The following TOP3A variants were observed in gnomAD, a reference collection of about 807,000 sequenced individuals.
TOP3A encodes the protein DNA topoisomerase 3-alpha.
Under a neutral mutation model 111.3 loss-of-function variants are expected in TOP3A, and 64 were observed. The observed-to-expected ratio is 0.57, with a 90% CI of 0.47 to 0.71. The LOEUF is 0.71. Among genes scored for constraint, TOP3A ranks in the 30% least tolerant of loss-of-function variants. TOP3A has a pLI of 0.00. For synonymous variants in TOP3A, 484 were observed against 485.1 expected, an observed-to-expected ratio of 1.00 and a Z score of 0.03; for missense variants, 1,104 against 1,285.0, an observed-to-expected ratio of 0.86 and a Z score of 2.15.
chr17:18,282,595 G>T, intron 16 of TOP3A, 103 bp downstream of exon 16: 1 of 1,533,492 alleles, frequency 6.5e-7, no homozygotes, highest in South Asian at 1.2e-5. Flanking sequence ...CAACAGGCCT[G>T]TCTTGAAAGA....
chr17:18,286,248 A>G (rs916300866), intron 13 of TOP3A, among the ~76,000 whole-genome samples: 4 of 151,806 alleles, frequency 2.6e-5, no homozygotes, highest in African/African-American at 9.7e-5. Flanking sequence ...TCACGCCTGT[A>G]ATCCCAGCAA....
chr17:18,313,655 A>G (rs1024362506), intron 1 of TOP3A: 5 of 151,810 alleles, frequency 3.3e-5, no homozygotes, highest in Admixed American at 3.3e-4. Flanking sequence ...TAGGAGAACC[A>G]TTTTTCAATG....
chr17:18,272,512 G>C lies in TOP3A; in HGVS notation c.*2290C>G, dbSNP rs1979057709. ...GTGCTATTCACAATAGCCAAAAAGT[G>C]GAAACAACCCAATGTCCATCAACTG... On this transcript the variant is annotated 3_prime_UTR_variant, in exon 19 of 19. Transcript: ENST00000321105. Among the ~76,000 whole-genome samples, 1 of 152,154 alleles carries C rather than the reference G, an allele frequency of 6.6e-6. No individual in the cohort carries two copies. Among genetic ancestry groups the C allele is most frequent in the Non-Finnish European group, 1.5e-5 (1 of 68,036 alleles).
chr17:18,281,101 C>A (rs941516351), intron 16 of TOP3A, among the ~76,000 whole-genome samples: 6 of 152,074 alleles, frequency 3.9e-5, no homozygotes, highest in Non-Finnish European at 7.4e-5. Context: ...TGTGACAAAG[C>A]CTCACCTGCA....
intron 5 of TOP3A, chr17:18,303,044 T>G (rs990221490): frequency 4.1e-6 from 1 of 243,256 alleles, no homozygotes; most frequent in African/African-American, 2.3e-5. Flanking sequence ...TGATCTGTAC[T>G]AAGAAAAATT....
intron 18 of TOP3A, among the ~76,000 whole-genome samples, chr17:18,276,778 T>C (rs867710354): frequency 6.6e-6 from 1 of 152,336 alleles, no homozygotes; most frequent in Middle Eastern, 3.4e-3. Flanking sequence ...CCATTCAACT[T>C]GATGCAATGT....
In TOP3A at chr17:18,274,815, G is replaced by A. The variant is rs1164351497; in HGVS notation, c.2993C>T (p.Pro998Leu). The A allele has an allele frequency of 6.2e-7, 1 of 1,614,042 alleles. No homozygotes were observed. Among genetic ancestry groups the A allele is most frequent in the Non-Finnish European group, 8.5e-7 (1 of 1,180,028 alleles). ...CCTACCCTGAGCTCATCTGTTCTGA[G>A]GACAAAAGGGACGGGTGTGTCCAGG... The part of the protein sequence containing the change: ...HQPGHTRPFC[P>L]QNR The change falls in exon 19 of 19, where the codon CCT becomes CTT. Residue 998 changes from proline to leucine, a missense_variant. Physicochemically the swap from Pro to Leu is moderately conservative, Grantham distance 98. Transcript: ENST00000321105.
chr17:18,308,531 C>A (rs111280399), intron 2 of TOP3A, 107 bp from the exon 3 acceptor site: 15 of 734,754 alleles, frequency 2.0e-5, no homozygotes, highest in African/African-American at 1.4e-4. Flanking sequence ...TTTTTAAAAA[C>A]CTGATTGGGA....
At chr17:18,297,438 G>C (rs917328250) in intron 9 of TOP3A, among the ~76,000 whole-genome samples, 2 of 145,904 alleles carry the variant, frequency 1.4e-5, no homozygotes, top group Non-Finnish European at 3.0e-5. Context: ...CCCTGTCCCT[G>C]TCCCTCTCCC....
chr17:18,307,627 A>T lies in TOP3A; in HGVS notation c.315-661T>A, dbSNP rs1409334444. ...AATAAATAAAATAAATAAATAAATA[A>T]ATAAATTACCAAGGCACAGTGGCTC... On this transcript the variant is annotated intron_variant, in intron 3 of 18. Transcript: ENST00000321105. The T allele has an allele frequency of 2.7e-5, 4 of 149,628 alleles. No homozygotes were observed. In the East Asian group the frequency reaches 8.0e-4, roughly 30 times the overall value. 9.3% of individuals were successfully genotyped at this position (149,628 alleles called of 1,614,324 possible).
chr17:18,305,082 G>C (rs778426810), intron 5 of TOP3A, 30 bp downstream of exon 5: 6 of 1,580,628 alleles, frequency 3.8e-6, no homozygotes, highest in Non-Finnish European at 5.2e-6. Context: ...TTCCAAAGTA[G>C]AGAAAGTCAG....
rs1476888304 is a variant in TOP3A, at chr17:18,301,927, A to G, written c.873T>C (p.Phe291=). Residue 291 remains phenylalanine, a synonymous_variant, in exon 8 of 19, where the codon TTT becomes TTC. Coordinates refer to ENST00000321105, the MANE Select transcript of TOP3A (RefSeq NM_004618.5). The part of the protein sequence containing the change: ...VEFNWKRHRL[F]NHTACLVLYQ... ...AGAGAACTAGGCAAGCCGTGTGGTTAAAGAGTCGATGCCTTTTCCAGTTGA... is the reference window on the plus strand; with the variant it reads ...AGAGAACTAGGCAAGCCGTGTGGTTGAAGAGTCGATGCCTTTTCCAGTTGA... 1 of 1,614,210 alleles carries G rather than the reference A, an allele frequency of 6.2e-7. No homozygotes were observed. Among genetic ancestry groups the G allele is most frequent in the Admixed American group, 1.7e-5 (1 of 60,018 alleles).
intron 8 of TOP3A, among the ~76,000 whole-genome samples, chr17:18,299,900 A>G (rs1263507089): frequency 2.0e-5 from 3 of 152,206 alleles, no homozygotes; most frequent in Non-Finnish European, 2.9e-5. Flanking sequence ...GAAATCCAAC[A>G]GCCTATGCAT....
intron 18 of TOP3A, 115 bp from the exon 19 acceptor site, chr17:18,275,095 G>A: frequency 7.0e-7 from 1 of 1,426,886 alleles, no homozygotes; most frequent in South Asian, 1.4e-5. Flanking sequence ...GAGGGAGGAG[G>A]ATTGCTTGAG....
chr17:18,307,858 C>T (rs886863015), intron 3 of TOP3A, among the ~76,000 whole-genome samples: 3 of 141,696 alleles, frequency 2.1e-5, no homozygotes, highest in South Asian at 4.4e-4. Flanking sequence ...TGCAGTGAGA[C>T]GAGATTGCGC....
chr17:18,273,516 C>G lies in TOP3A; in HGVS notation c.*1286G>C, dbSNP rs752791629. 1.3e-5 allele frequency among the ~76,000 whole-genome samples: 2 copies of G among 152,196 alleles called. No individual in the cohort carries two copies. On this transcript the variant is annotated 3_prime_UTR_variant, in exon 19 of 19. Transcript: ENST00000321105. ...GACAGCCATGAAGGACAGAGGCTGA[C>G]GAGACCTCCCAGGGTGAGCTCCTTC...
At chr17:18,295,770 ATTT>A (rs767499816) in intron 9 of TOP3A, among the ~76,000 whole-genome samples, 1 of 125,188 alleles carries the variant, frequency 8.0e-6, no homozygotes, top group African/African-American at 3.0e-5. Flanking sequence ...AGAAATCTAC[ATTT>A]TTTTTTTTTT....
At chr17:18,297,026 A>G (rs896416535) in intron 9 of TOP3A, among the ~76,000 whole-genome samples, 2 of 152,236 alleles carry the variant, frequency 1.3e-5, no homozygotes, top group African/African-American at 4.8e-5. Flanking sequence ...AAAAAACAGG[A>G]AGAGATACTA....
chr17:18,307,637 C>G (rs1475959447), intron 3 of TOP3A: 4 of 151,642 alleles, frequency 2.6e-5, no homozygotes, highest in African/African-American at 7.3e-5. Flanking sequence ...AATAAATTAC[C>G]AAGGCACAGT....
Sources: allele counts gnomAD v4.1 joint callset (sites outside exome capture counted in the v4.1 genomes callset), GRCh38; gene constraint gnomAD v4.1.1; transcripts MANE v1.5; gene names NCBI Gene and HGNC (gene_info 2026-07-23, HGNC 2026-07-21).